ASCC3: variants seen among roughly 807,000 people sequenced by gnomAD.
The protein encoded by ASCC3 is ASC-1 complex subunit P200.
A neutral mutation model predicts 256.3 loss-of-function variants in ASCC3; 158 were observed. The ratio of observed to expected loss-of-function variants is 0.62; its 90% CI spans 0.54 to 0.70. The LOEUF is 0.70. Ranked by LOEUF, ASCC3 falls within the 30% of genes least tolerant of loss-of-function variation. ASCC3 has a pLI of 0.00. For missense variants in ASCC3, 2,259 were observed against 2,626.0 expected (o/e 0.86, Z 3.05); for synonymous variants, 948 against 883.4 (o/e 1.07, Z -1.30).
At chr6:100,567,180 C>T (rs1230626872) in intron 36 of ASCC3, among the ~76,000 whole-genome samples, 1 of 151,676 alleles carries the variant, frequency 6.6e-6, no homozygotes. Context: ...TTTAAAATTC[C>T]ACCACTCAGA....
intron 13 of ASCC3, 49 bp from the exon 14 acceptor site, chr6:100,679,801 C>T (rs777342880): frequency 1.3e-6 from 2 of 1,580,530 alleles, no homozygotes; most frequent in Admixed American, 3.3e-5. Context: ...AATTAAATTA[C>T]AGCTTAATAG....
Position 100,513,872 on chromosome 6 carries a change from A to G in ASCC3, c.6076-954T>C, listed in dbSNP as rs549506510. Among the ~76,000 whole-genome samples, 5 of 152,038 alleles carry G rather than the reference A, an allele frequency of 3.3e-5. No individual in the cohort carries two copies. The East Asian group carries it at 9.7e-4, about 29-fold the overall frequency. On this transcript the variant is annotated intron_variant, in intron 39 of 41. Coordinates refer to ENST00000369162, the MANE Select transcript of ASCC3 (RefSeq NM_006828.4). ...TTCTAACATATACACTTATATGGCA[A>G]TATCACCATCAGTCAAGAAAACTTC...
chr6:100,595,027 C>A (rs1163322559), intron 34 of ASCC3, among the ~76,000 whole-genome samples: 1 of 151,754 alleles, frequency 6.6e-6, no homozygotes, highest in African/African-American at 2.4e-5. Context: ...GGTAGGATGT[C>A]AGTTATCAGA....
intron 13 of ASCC3, among the ~76,000 whole-genome samples, chr6:100,696,910 A>T (rs1276792020): frequency 6.6e-6 from 1 of 152,076 alleles, no homozygotes; most frequent in Admixed American, 6.5e-5. Context: ...ATTAAATTAC[A>T]TATATATGCA....
At chr6:100,747,740 G>A (rs549316685) in intron 10 of ASCC3, among the ~76,000 whole-genome samples, 28 of 152,218 alleles carry the variant, frequency 1.8e-4, no homozygotes, top group African/African-American at 6.5e-4. Context: ...GAGGAAGAGA[G>A]AGGGATGAAT....
At chr6:100,813,591 A>T (rs1309319236) in intron 4 of ASCC3, among the ~76,000 whole-genome samples, 1 of 152,094 alleles carries the variant, frequency 6.6e-6, no homozygotes, top group Non-Finnish European at 1.5e-5. Context: ...ATTCAAATTC[A>T]CAAATTACTT....
chr6:100,854,140 G>A (rs1582966360), intron 3 of ASCC3, among the ~76,000 whole-genome samples: 1 of 147,394 alleles, frequency 6.8e-6, no homozygotes. Flanking sequence ...GATGCTACAA[G>A]AACAAGCCAG....
chr6:100,562,274 A>T (rs1420683114), intron 36 of ASCC3, among the ~76,000 whole-genome samples: 1 of 152,144 alleles, frequency 6.6e-6, no homozygotes, highest in East Asian at 1.9e-4. Context: ...TTCAGAAAAC[A>T]TAGTATGAGA....
chr6:100,873,491 G>A (rs1020976085), intron 1 of ASCC3, among the ~76,000 whole-genome samples: 1 of 152,142 alleles, frequency 6.6e-6, no homozygotes, highest in Non-Finnish European at 1.5e-5. Flanking sequence ...AGCCTTGCTA[G>A]AGACCTAGAC....
At chr6:100,721,789 T>A (rs972580134) in intron 11 of ASCC3, among the ~76,000 whole-genome samples, 3 of 116,782 alleles carry the variant, frequency 2.6e-5, no homozygotes, top group African/African-American at 6.0e-5. Flanking sequence ...ACTTGTCAAA[T>A]TTTTTGTTGT....
In ASCC3 at chr6:100,784,268, G is replaced by A. The variant is rs752225227; in HGVS notation, c.1395+14445C>T. Among the ~76,000 whole-genome samples, 6 of 152,058 alleles carry A rather than the reference G, an allele frequency of 3.9e-5. No individual in the cohort carries two copies. The East Asian group carries it at 7.7e-4, about 19-fold the overall frequency. On this transcript the variant is annotated intron_variant, in intron 8 of 41. Transcript: ENST00000369162. ...ATAAGATACAATTTTATTAATCTGAGTGTTGAAGATTTATTAAAAATTTAT... is the reference window on the plus strand; with the variant it reads ...ATAAGATACAATTTTATTAATCTGAATGTTGAAGATTTATTAAAAATTTAT...
intron 37 of ASCC3, among the ~76,000 whole-genome samples, chr6:100,538,182 AC>A (rs1775262523): frequency 6.6e-6 from 1 of 152,128 alleles, no homozygotes; most frequent in South Asian, 2.1e-4. Flanking sequence ...CTTCTCTTCA[AC>A]CCTTTCTGAC....
At position 100,800,511 on chromosome 6, in the gene ASCC3, A is replaced by G. The variant is rs1190765974; in HGVS notation, c.923-7T>C. On this transcript the variant is annotated splice_polypyrimidine_tract_variant and splice_region_variant and intron_variant, in intron 5 of 41. Coordinates refer to ENST00000369162, the MANE Select transcript of ASCC3 (RefSeq NM_006828.4). ...AAAATTTTTTTACAATTGTCTAAGA[A>G]GCAAATTTAAGAAACACAATGTTTT... is the stretch of plus-strand genomic sequence containing the variant. 6 of 1,577,404 alleles carry G rather than the reference A, an allele frequency of 3.8e-6. No homozygotes were observed. The highest frequency in any genetic ancestry group is 1.1e-5 in the South Asian group (1 of 89,730).
In ASCC3 at chr6:100,625,857, C is replaced by T. The variant is rs900935408; in HGVS notation, c.4643-523G>A. Among the ~76,000 whole-genome samples, 10 of 151,908 alleles carry T rather than the reference C, an allele frequency of 6.6e-5. No individual in the cohort carries two copies. In the South Asian group the frequency reaches 1.2e-3, roughly 19 times the overall value. On this transcript the variant is annotated intron_variant, in intron 29 of 41. Transcript: ENST00000369162. ...ATAGAAAAATTAGGAGAAGTTTGTA[C>T]CAGTAAACAGGTTAAGAGATAAATC...
intron 8 of ASCC3, among the ~76,000 whole-genome samples, chr6:100,773,614 C>G (rs1260062853): frequency 6.6e-6 from 1 of 152,042 alleles, no homozygotes; most frequent in African/African-American, 2.4e-5. Flanking sequence ...TTATTATGAC[C>G]CTTAACCACA....
intron 1 of ASCC3, among the ~76,000 whole-genome samples, chr6:100,879,594 A>G (rs1284207600): frequency 1.3e-5 from 2 of 152,188 alleles, no homozygotes; most frequent in Non-Finnish European, 2.9e-5. Flanking sequence ...CCAGAGATAC[A>G]CAGGAGATCA....
intron 4 of ASCC3, among the ~76,000 whole-genome samples, chr6:100,845,963 C>A (rs1024857185): frequency 6.6e-6 from 1 of 152,126 alleles, no homozygotes; most frequent in Non-Finnish European, 1.5e-5. Flanking sequence ...TCCCATGGTT[C>A]TGCTACATTT....
At chr6:100,600,786 C>T (rs190467995) in intron 34 of ASCC3, among the ~76,000 whole-genome samples, 10 of 152,208 alleles carry the variant, frequency 6.6e-5, no homozygotes, top group Admixed American at 6.5e-4. Context: ...CCTAACTGGC[C>T]TTCCTGCTGT....
In ASCC3 at chr6:100,741,527, G is replaced by A. The variant is rs180870349; in HGVS notation, c.1738-15824C>T. Among the ~76,000 whole-genome samples the A allele has an allele frequency of 3.9e-5, 6 of 152,206 alleles. No homozygotes were observed. The East Asian group carries it at 7.7e-4, about 20-fold the overall frequency. ...TCTCGTTTAGGTACCCCAATCAGTC[G>A]TAGGATCAGTTTCTACCTAATCAAA... On this transcript the variant is annotated intron_variant, in intron 10 of 41. Transcript: ENST00000369162.
Sources: gnomAD v4.1 joint callset for allele counts (sites outside exome capture counted in the v4.1 genomes callset) on GRCh38, gnomAD v4.1.1 for gene constraint, MANE v1.5 for transcripts, NCBI Gene and HGNC (gene_info 2026-07-23, HGNC 2026-07-21) for gene names.